The following TAPT1 variants were observed in gnomAD, a reference collection of about 807,000 sequenced individuals.
TAPT1 encodes the protein transmembrane anterior posterior transformation 1, also known as transmembrane anterior posterior transformation protein 1 homolog.
TAPT1 carries 28 observed loss-of-function variants against 65.6 expected under a neutral mutation model. The ratio of observed to expected loss-of-function variants is 0.43; its 90% confidence interval spans 0.32 to 0.59. The LOEUF is 0.59. Ranked by LOEUF, TAPT1 falls within the 20% of genes least tolerant of loss-of-function variation. The pLI, the probability that TAPT1 is intolerant of heterozygous loss-of-function variation, is 0.09. For synonymous variants in TAPT1, 278 were observed against 245.2 expected (o/e 1.13, Z -1.25); for missense variants, 563 against 679.9 (o/e 0.83, Z 1.91).
intron 3 of TAPT1, among the ~76,000 whole-genome samples, chr4:16,193,195 C>T (rs1241509544): frequency 6.6e-6 from 1 of 152,108 alleles, no homozygotes; most frequent in African/African-American, 2.4e-5. Context: ...AGACTGTTCA[C>T]GAAGGGCTAA....
chr4:16,183,682 T>A (rs1417230567), intron 7 of TAPT1, among the ~76,000 whole-genome samples: 1 of 151,994 alleles, frequency 6.6e-6, no homozygotes, highest in Non-Finnish European at 1.5e-5. Flanking sequence ...TGAATTAATT[T>A]AAAAAAAACA....
At chr4:16,190,060 G>A (rs1393877706) in intron 4 of TAPT1, 1 of 152,292 alleles carries the variant, frequency 6.6e-6, no homozygotes, top group African/African-American at 2.4e-5. Flanking sequence ...GTGGGGCAAA[G>A]TGTACGCGCA....
At chr4:16,212,266 G>A (rs1750687514) in intron 2 of TAPT1, among the ~76,000 whole-genome samples, 1 of 152,210 alleles carries the variant, frequency 6.6e-6, no homozygotes, top group Admixed American at 6.5e-5. Context: ...AAATTCCCCT[G>A]TAGAGGGCTG....
At chr4:16,222,634 A>C (rs1751317181) in intron 1 of TAPT1, among the ~76,000 whole-genome samples, 1 of 152,242 alleles carries the variant, frequency 6.6e-6, no homozygotes, top group Non-Finnish European at 1.5e-5. Flanking sequence ...ACAAAGAATA[A>C]GACATAGGTA....
Position 16,181,142 on chromosome 4 carries a change from T to C in TAPT1, c.917-1485A>G, listed in dbSNP as rs1319689524. ...GTCTGACACAAAATATATTCTTTGT[T>C]ACTACAGCTAACTGTGGATCTTAAT... On this transcript the variant is annotated intron_variant, in intron 7 of 13. Transcript: ENST00000405303. 5.9e-5 allele frequency among the ~76,000 whole-genome samples: 9 copies of C among 152,360 alleles called. No individual in the cohort carries two copies. The South Asian group carries it at 8.3e-4, about 14-fold the overall frequency.
intron 11 of TAPT1, among the ~76,000 whole-genome samples, chr4:16,173,203 T>C (rs969844726): frequency 1.3e-5 from 2 of 152,044 alleles, no homozygotes; most frequent in African/African-American, 4.8e-5. Flanking sequence ...AAATTTTTTT[T>C]TCTTGCCTCA....
At chr4:16,202,839 G>A (rs534179484) in intron 2 of TAPT1, among the ~76,000 whole-genome samples, 6 of 151,974 alleles carry the variant, frequency 3.9e-5, no homozygotes, top group Non-Finnish European at 8.8e-5. Flanking sequence ...CATCTGATGC[G>A]GCTTTCTGAG....
intron 8 of TAPT1, among the ~76,000 whole-genome samples, chr4:16,177,725 C>T (rs1416261294): frequency 6.6e-6 from 1 of 152,062 alleles, no homozygotes; most frequent in Non-Finnish European, 1.5e-5. Flanking sequence ...TGGTGCACAG[C>T]AATGTGCCTG....
At chr4:16,196,540 A>G (rs1749714640) in intron 3 of TAPT1, 5 of 418,924 alleles carry the variant, frequency 1.2e-5, no homozygotes, top group South Asian at 8.9e-5. Flanking sequence ...AGGGATCCAC[A>G]TTTTCTTCAG....
At chr4:16,216,155 C>T (rs1750931433) in intron 1 of TAPT1, 1 of 152,216 alleles carries the variant, frequency 6.6e-6, no homozygotes, top group African/African-American at 2.4e-5. Context: ...CTCCATGTCA[C>T]CTAAACCTGA....
At chr4:16,223,375 G>C (rs1480178194) in intron 1 of TAPT1, among the ~76,000 whole-genome samples, 3 of 152,168 alleles carry the variant, frequency 2.0e-5, no homozygotes, top group Non-Finnish European at 4.4e-5. Context: ...AACAGAAGTT[G>C]GTAGTATTTT....
chr4:16,163,093 C>T lies in TAPT1; in HGVS notation c.*215G>A. 1 of 624,968 alleles carries T rather than the reference C, an allele frequency of 1.6e-6. No individual in the cohort carries two copies. Among genetic ancestry groups the T allele is most frequent in the Non-Finnish European group, 3.0e-6 (1 of 335,052 alleles). The allele number at this position is 624,968 out of a possible 1,614,324, so 38.7% of individuals were successfully genotyped here. A position where few individuals can be genotyped will look rare whatever the true frequency, so the allele number is the denominator to read the frequency against. ...GGAGGAAGTTTTATAATCCATCAAGCTTCCCAGACAGTCAAGGCCGGAGGT... is the reference window on the plus strand; with the variant it reads ...GGAGGAAGTTTTATAATCCATCAAGTTTCCCAGACAGTCAAGGCCGGAGGT... On this transcript the variant is annotated 3_prime_UTR_variant, in exon 14 of 14. Transcript: ENST00000405303.
intron 2 of TAPT1, among the ~76,000 whole-genome samples, chr4:16,211,629 A>T (rs974303540): frequency 6.6e-6 from 1 of 152,234 alleles, no homozygotes; most frequent in African/African-American, 2.4e-5. Context: ...AACAAAAATC[A>T]TTAGAAAATT....
chr4:16,225,994 T>A lies in TAPT1; in HGVS notation c.199+265A>T, dbSNP rs1023077645. The A allele has an allele frequency of 4.0e-6, 4 of 998,240 alleles. No homozygotes were observed. The South Asian group carries it at 1.9e-4, about 47-fold the overall frequency. 61.8% of individuals were successfully genotyped at this position (998,240 alleles called of 1,614,324 possible). ...CGATGCAAGGACCCGGACAGAACTT[T>A]CCCGGCCGCAGACCCCTTCTAGGGC... On this transcript the variant is annotated intron_variant, in intron 1 of 13. Coordinates refer to ENST00000405303, the MANE Select transcript of TAPT1 (RefSeq NM_153365.3).
chr4:16,201,062 CAAT>C (rs1166772993), intron 3 of TAPT1, among the ~76,000 whole-genome samples: 1 of 152,160 alleles, frequency 6.6e-6, no homozygotes, highest in African/African-American at 2.4e-5. Context: ...TAGCATATAA[CAAT>C]GACAGGAGCT....
chr4:16,202,169 G>C (rs1170984034), intron 3 of TAPT1, among the ~76,000 whole-genome samples: 1 of 152,098 alleles, frequency 6.6e-6, no homozygotes, highest in Non-Finnish European at 1.5e-5. Context: ...GTAGGTCTTT[G>C]ACTTTCAGAC....
chr4:16,187,076 CA>C (rs1339439541), intron 5 of TAPT1, among the ~76,000 whole-genome samples, 198 bp from the exon 6 acceptor site: 2 of 152,096 alleles, frequency 1.3e-5, no homozygotes, highest in Non-Finnish European at 2.9e-5. Flanking sequence ...ATGAAACGAA[CA>C]AAAGTGGAAA....
At chr4:16,207,060 G>C (rs908459732) in intron 2 of TAPT1, among the ~76,000 whole-genome samples, 1 of 152,206 alleles carries the variant, frequency 6.6e-6, no homozygotes, top group Non-Finnish European at 1.5e-5. Context: ...GAGACATGTG[G>C]ATCCCTACTG....
chr4:16,199,184 T>G (rs1403411147), intron 3 of TAPT1, among the ~76,000 whole-genome samples: 2 of 152,190 alleles, frequency 1.3e-5, no homozygotes, highest in Admixed American at 1.3e-4. Flanking sequence ...AGTTATATAA[T>G]TTTAACTGCA....
Sources: gnomAD v4.1 joint callset for allele counts (sites outside exome capture counted in the v4.1 genomes callset) on GRCh38, gnomAD v4.1.1 for gene constraint, MANE v1.5 for transcripts, NCBI Gene and HGNC (gene_info 2026-07-23, HGNC 2026-07-21) for gene names.